Variants in USP42 observed in about 807,000 individuals in gnomAD.
The protein encoded by USP42 is ubiquitin specific peptidase 42.
A neutral mutation model predicts 113.0 loss-of-function variants in USP42; 23 were observed. The observed-to-expected ratio is 0.20, with a 90% confidence interval of 0.15 to 0.29. The LOEUF (loss-of-function observed/expected upper bound fraction) is 0.29. Ranked by LOEUF, USP42 falls within the 10% of genes least tolerant of loss-of-function variation. USP42 has a pLI of 1.00. For synonymous variants in USP42, 933 were observed against 699.0 expected (o/e 1.33, Z -5.28); for missense variants, 2,174 against 1,779.8 (o/e 1.22, Z -3.99).
At chr7:6,138,170 A>G (rs1781249203) in intron 4 of USP42, among the ~76,000 whole-genome samples, 1 of 152,154 alleles carries the variant, frequency 6.6e-6, no homozygotes, top group Non-Finnish European at 1.5e-5. Context: ...TTAAGCTAGA[A>G]CATTTTTATA....
At position 6,155,027 on chromosome 7, in the gene USP42, A is replaced by C; in HGVS notation, c.3473A>C (p.Lys1158Thr). The C allele has an allele frequency of 1.3e-6, 2 of 1,564,144 alleles. No homozygotes were observed. The highest frequency in any genetic ancestry group is 1.7e-6 in the Non-Finnish European group (2 of 1,153,962). Reference sequence around the variant, plus strand: ...CGGTTTCACGAACACGAAAATGGAAAGTCCCGGAAACGGAGACACGACAGT... The same window carrying C: ...CGGTTTCACGAACACGAAAATGGAACGTCCCGGAAACGGAGACACGACAGT... ...SDRFHEHENG[K>T]SRKRRHDSVE... Residue 1158 changes from lysine to threonine, a missense_variant, in exon 15 of 18, where the codon AAG (lysine) becomes ACG (threonine). Coordinates refer to ENST00000306177, the MANE Select transcript of USP42 (RefSeq NM_032172.3).
At chr7:6,160,072 C>T (rs1222589737) in intron 17 of USP42, among the ~76,000 whole-genome samples, 1 of 152,232 alleles carries the variant, frequency 6.6e-6, no homozygotes, top group African/African-American at 2.4e-5. Context: ...GGGAGAGTCA[C>T]TGGTTTTATA....
chr7:6,102,828 CAG>C (rs1790168842), upstream of USP42, among the ~76,000 whole-genome samples: 1 of 151,050 alleles, frequency 6.6e-6, no homozygotes, highest in Admixed American at 6.6e-5. Flanking sequence ...ATAGAATGCT[CAG>C]AGTGGGGGAG....
Position 6,154,782 on chromosome 7 carries a change from C to T in USP42, c.3228C>T (p.Pro1076=), listed in dbSNP as rs1184180067. The T allele has an allele frequency of 1.4e-5, 22 of 1,550,598 alleles. No homozygotes were observed. The highest frequency in any genetic ancestry group is 1.7e-5 in the Non-Finnish European group (20 of 1,147,794). The change falls in exon 15 of 18, where the codon CCC becomes CCT. Residue 1076 remains proline (P), a synonymous_variant. Coordinates refer to ENST00000306177, the MANE Select transcript of USP42 (RefSeq NM_032172.3). The part of the protein sequence containing the change: ...YALYAARDWK[P]FHGGREHERA... Reference sequence around the variant, plus strand: ...TGTACGCTGCCCGGGACTGGAAGCCCTTCCACGGCGGCCGCGAGCACGAGC... The same window carrying T: ...TGTACGCTGCCCGGGACTGGAAGCCTTTCCACGGCGGCCGCGAGCACGAGC...
chr7:6,090,482 AG>A, the USP42 span, among the ~76,000 whole-genome samples: 1 of 146,418 alleles, frequency 6.8e-6, no homozygotes, highest in African/African-American at 2.6e-5. Flanking sequence ...TGGGAGGCCA[AG>A]GCAGGTGGAT....
chr7:6,087,943 A>G, the USP42 span, among the ~76,000 whole-genome samples: 5 of 151,194 alleles, frequency 3.3e-5, no homozygotes, highest in Admixed American at 3.3e-4. Flanking sequence ...ATGAGTTAAC[A>G]TATCTAAATC....
intron 14 of USP42, among the ~76,000 whole-genome samples, chr7:6,152,513 G>A (rs1782129883): frequency 6.6e-6 from 1 of 152,064 alleles, no homozygotes; most frequent in Non-Finnish European, 1.5e-5. Flanking sequence ...GCGGGTGGGA[G>A]TGCCCTCACT....
At chr7:6,137,252 A>G (rs753337542) in intron 4 of USP42, among the ~76,000 whole-genome samples, 3 of 152,258 alleles carry the variant, frequency 2.0e-5, no homozygotes, top group Non-Finnish European at 2.9e-5. Context: ...GGCCCTTGGC[A>G]TTATTGATAG....
intron 1 of USP42, among the ~76,000 whole-genome samples, chr7:6,108,003 A>G (rs1173028681): frequency 6.6e-6 from 1 of 152,080 alleles, no homozygotes; most frequent in Non-Finnish European, 1.5e-5. Context: ...TGGCCAACAT[A>G]GTGAAACCCG....
At chr7:6,132,393 C>T (rs1169824977) in intron 3 of USP42, among the ~76,000 whole-genome samples, 5 of 151,318 alleles carry the variant, frequency 3.3e-5, no homozygotes, top group Non-Finnish European at 7.4e-5. Context: ...AGTTTCACTC[C>T]GTGGCCCAGG....
chr7:6,154,945 C>A lies in USP42; in HGVS notation c.3391C>A (p.Arg1131Ser), dbSNP rs753207750. The A allele has an allele frequency of 4.5e-6, 7 of 1,554,106 alleles. No individual in the cohort carries two copies. Among genetic ancestry groups the A allele is most frequent in the Middle Eastern group, 1.7e-4 (1 of 5,998 alleles). The change falls in exon 15 of 18, where the codon CGC becomes AGC. Residue 1131 changes from arginine (R) to serine (S), a missense_variant. By Grantham distance (110) the Arg-to-Ser change is moderately radical. Transcript: ENST00000306177. ...CCACGCCCTCGCCCCGCACCCCGACCGCTTCTCCCACGACAGAACTGCACT... is the reference window on the plus strand; with the variant it reads ...CCACGCCCTCGCCCCGCACCCCGACAGCTTCTCCCACGACAGAACTGCACT... ...APHALAPHPD[R>S]FSHDRTALVA...
At chr7:6,132,083 C>T (rs1780880974) in intron 3 of USP42, among the ~76,000 whole-genome samples, 1 of 152,184 alleles carries the variant, frequency 6.6e-6, no homozygotes, top group Non-Finnish European at 1.5e-5. Context: ...CAGGCGTTCA[C>T]CACCATGCCT....
intron 14 of USP42, 58 bp from the exon 15 acceptor site, chr7:6,153,698 T>G: frequency 7.1e-7 from 1 of 1,406,260 alleles, no homozygotes; most frequent in Non-Finnish European, 9.3e-7. Context: ...TGTAATGCAA[T>G]GACATGAGCC....
chr7:6,116,144 A>G (rs993160634), intron 3 of USP42, among the ~76,000 whole-genome samples: 2 of 149,638 alleles, frequency 1.3e-5, no homozygotes, highest in Admixed American at 1.3e-4. Flanking sequence ...GCAACTTGGG[A>G]CAGGCGAGGT....
chr7:6,084,215 C>G, the USP42 span, among the ~76,000 whole-genome samples: 2 of 150,832 alleles, frequency 1.3e-5, no homozygotes, highest in Non-Finnish European at 2.9e-5. Flanking sequence ...TTAGTAGAGA[C>G]AGGGTTTCAC....
intron 1 of USP42, among the ~76,000 whole-genome samples, chr7:6,110,273 C>G (rs759722310): frequency 2.6e-5 from 4 of 152,188 alleles, no homozygotes; most frequent in Non-Finnish European, 5.9e-5. Context: ...GGACCTGGCT[C>G]TCAGTCCCAG....
At chr7:6,112,900 C>G (rs979161899) in intron 2 of USP42, among the ~76,000 whole-genome samples, 1 of 102,768 alleles carries the variant, frequency 9.7e-6, no homozygotes, top group Non-Finnish European at 1.9e-5. Context: ...TAGTAAGTTT[C>G]TTTTTTTTTT....
intron 2 of USP42, among the ~76,000 whole-genome samples, chr7:6,115,002 T>A (rs563859906): frequency 2.8e-4 from 42 of 151,774 alleles, no homozygotes; most frequent in African/African-American, 5.3e-4. Flanking sequence ...ATATATATAT[T>A]TTTTTAAGCA....
chr7:6,085,384 C>G, the USP42 span: 1 of 150,604 alleles, frequency 6.6e-6, no homozygotes, highest in Non-Finnish European at 1.5e-5. Flanking sequence ...TTTGGGCTCC[C>G]AAAATCCTGG....
Sources: allele counts gnomAD v4.1 joint callset (sites outside exome capture counted in the v4.1 genomes callset), GRCh38; gene constraint gnomAD v4.1.1; transcripts MANE v1.5; gene names NCBI Gene and HGNC (gene_info 2026-07-23, HGNC 2026-07-21).